The following USP6NL variants were observed in gnomAD, a reference collection of about 807,000 sequenced individuals.
USP6NL encodes the protein USP6 N-terminal-like protein.
Under a neutral mutation model 61.9 loss-of-function variants are expected in USP6NL, and 26 were observed. The ratio of observed to expected loss-of-function variants is 0.42; its 90% CI spans 0.31 to 0.58. USP6NL has a LOEUF of 0.58. USP6NL is among the 20% of genes least tolerant of loss of function. The pLI is 0.16. For synonymous variants in USP6NL, 432 were observed against 390.1 expected (o/e 1.11, Z -1.27); for missense variants, 1,114 against 1,034.3 (o/e 1.08, Z -1.06).
At chr10:11,601,752 A>C (rs1379195562) in intron 1 of USP6NL, among the ~76,000 whole-genome samples, 1 of 152,232 alleles carries the variant, frequency 6.6e-6, no homozygotes, top group Admixed American at 6.5e-5. Context: ...AGCCATTCCA[A>C]CACAAATTGC....
intron 7 of USP6NL, among the ~76,000 whole-genome samples, chr10:11,497,089 CCAT>C (rs1833960979): frequency 8.4e-6 from 1 of 119,174 alleles, no homozygotes; most frequent in African/African-American, 3.1e-5. Flanking sequence ...TTGTTCTCTT[CCAT>C]CTTTTTTTTT....
intron 7 of USP6NL, among the ~76,000 whole-genome samples, chr10:11,497,093 C>CTTTTT (rs11287847): frequency 3.1e-5 from 4 of 130,750 alleles, no homozygotes; most frequent in African/African-American, 1.1e-4. Context: ...TCTCTTCCAT[C>CTTTTT]TTTTTTTTTT....
At chr10:11,501,518 G>A (rs886701181) in intron 6 of USP6NL, among the ~76,000 whole-genome samples, 7 of 152,202 alleles carry the variant, frequency 4.6e-5, no homozygotes, top group South Asian at 2.1e-4. Flanking sequence ...TTTTAAAGGT[G>A]TGAACATCTG....
At chr10:11,610,967 A>C (rs1457802089) in intron 1 of USP6NL, among the ~76,000 whole-genome samples, 2 of 152,084 alleles carry the variant, frequency 1.3e-5, no homozygotes, top group Non-Finnish European at 2.9e-5. Flanking sequence ...GATTTCCAAG[A>C]CTTGCAGATC....
chr10:11,482,139 G>C lies in USP6NL; in HGVS notation c.926-217C>G, dbSNP rs770572127. 4.6e-5 allele frequency among the ~76,000 whole-genome samples: 7 copies of C among 152,132 alleles called. No individual in the cohort carries two copies. Among genetic ancestry groups the C allele is most frequent in the Non-Finnish European group, 8.8e-5 (6 of 68,014 alleles). On this transcript the variant is annotated intron_variant, in intron 13 of 14. Transcript: ENST00000609104. The surrounding 1 kb of genome is among the most constrained non-coding windows in gnomAD (Gnocchi z 4.0). Reference sequence around the variant, plus strand: ...AGAGAAAAGCAGGAAAGTTTACTGGGAGAAAGGATGGGAGGAGAATACTGC... The same window carrying C: ...AGAGAAAAGCAGGAAAGTTTACTGGCAGAAAGGATGGGAGGAGAATACTGC...
chr10:11,472,841 C>T (rs139762232), intron 14 of USP6NL, among the ~76,000 whole-genome samples: 174 of 152,154 alleles, frequency 1.1e-3, no homozygotes, highest in Middle Eastern at 6.8e-3. Context: ...GCAGATTAAA[C>T]TTGAAAGTTA....
intron 2 of USP6NL, among the ~76,000 whole-genome samples, chr10:11,582,668 T>C (rs1347755543): frequency 3.3e-5 from 5 of 152,304 alleles, no homozygotes; most frequent in African/African-American, 1.2e-4. Context: ...AGAATTAAGT[T>C]AGCAATTCTT....
Position 11,499,941 on chromosome 10 carries a change from C to T in USP6NL, c.384+1160G>A, listed in dbSNP as rs1389817565. Among the ~76,000 whole-genome samples, 1 of 152,138 alleles carries T rather than the reference C, an allele frequency of 6.6e-6. No individual in the cohort carries two copies. The highest frequency in any genetic ancestry group is 1.5e-5 in the Non-Finnish European group (1 of 68,024). On this transcript the variant is annotated intron_variant, in intron 7 of 14. Coordinates refer to ENST00000609104, the MANE Select transcript of USP6NL (RefSeq NM_014688.5). The surrounding 1 kb of genome is among the most constrained non-coding windows in gnomAD (Gnocchi z 4.5). ...AAACAAATACTAACAGAGCACCTAC[C>T]ATATGCTAGGCACACTGTACTAGGT...
At position 11,510,642 on chromosome 10, in the gene USP6NL, G is replaced by GT. The variant is rs1834668326; in HGVS notation, c.196-968dup. 6.7e-6 allele frequency among the ~76,000 whole-genome samples: 1 copy of GT among 150,058 alleles called. No homozygotes were observed. The highest frequency in any genetic ancestry group is 2.5e-5 in the African/African-American group (1 of 40,796). On this transcript the variant is annotated intron_variant, in intron 5 of 14. Transcript: ENST00000609104. This position sits in a 1 kb window ranked among gnomAD's most constrained non-coding sequence, Gnocchi z 4.8. ...TCCTAAGTACCTGGGCCCATGAGTA[G>GT]TAAGTATATGAATAAAAAGCAATGA...
rs545531586 is a variant in USP6NL, at chr10:11,602,972, T to C, written c.-83-5255A>G. 1.7e-4 allele frequency among the ~76,000 whole-genome samples: 26 copies of C among 152,344 alleles called. No individual in the cohort carries two copies. Among genetic ancestry groups the C allele is most frequent in the Middle Eastern group, 6.8e-3 (2 of 294 alleles). ...GCTCTTGCTGCAACCCCGTGAAACA[T>C]AACGTCACATTTCTACAGCTTTAAG... On this transcript the variant is annotated intron_variant, in intron 1 of 14. Coordinates refer to ENST00000609104, the MANE Select transcript of USP6NL (RefSeq NM_014688.5). This position sits in a 1 kb window ranked among gnomAD's most constrained non-coding sequence, Gnocchi z 4.8.
At chr10:11,501,684 A>AC (rs1355523673) in intron 6 of USP6NL, among the ~76,000 whole-genome samples, 1 of 152,040 alleles carries the variant, frequency 6.6e-6, no homozygotes, top group Non-Finnish European at 1.5e-5. Flanking sequence ...CTTTCCTGCC[A>AC]CCTTCTCACT....
At chr10:11,610,615 CCTCA>C (rs941507517) in intron 1 of USP6NL, among the ~76,000 whole-genome samples, 26 of 151,896 alleles carry the variant, frequency 1.7e-4, no homozygotes, top group Middle Eastern at 3.5e-3. Flanking sequence ...AAGACGGCGT[CCTCA>C]CTTTTTTTTT....
At position 11,532,247 on chromosome 10, in the gene USP6NL, A is replaced by G. The variant is rs1835691149; in HGVS notation, c.5-4680T>C. 5 of 1,589,048 alleles carry G rather than the reference A, an allele frequency of 3.1e-6. No individual in the cohort carries two copies. Among genetic ancestry groups the G allele is most frequent in the Non-Finnish European group, 4.3e-6 (5 of 1,167,750 alleles). On this transcript the variant is annotated intron_variant, in intron 2 of 14. Transcript: ENST00000609104. The surrounding 1 kb of genome is among the most constrained non-coding windows in gnomAD (Gnocchi z 4.1). ...TCAGTCCTCATAGAGTAACTTATCT[A>G]TTCCAAGATTTCATTATTATTTTAT...
chr10:11,571,643 C>A (rs1444477883), intron 2 of USP6NL, among the ~76,000 whole-genome samples: 1 of 151,142 alleles, frequency 6.6e-6, no homozygotes, highest in Non-Finnish European at 1.5e-5. Flanking sequence ...TTTTAAAGAA[C>A]TGAATTTTTT....
intron 2 of USP6NL, among the ~76,000 whole-genome samples, chr10:11,550,892 T>C (rs1836455557): frequency 2.0e-5 from 3 of 151,294 alleles, no homozygotes; most frequent in Admixed American, 6.6e-5. Context: ...CCCAAACCAC[T>C]AATAATTAGA....
In USP6NL at chr10:11,595,532, G is replaced by A. The variant is rs1377223988; in HGVS notation, c.4+2099C>T. Among the ~76,000 whole-genome samples the A allele has an allele frequency of 2.6e-5, 4 of 152,104 alleles. No homozygotes were observed. The highest frequency in any genetic ancestry group is 1.9e-4 in the East Asian group (1 of 5,194). ...TGACTGAATCTGTGATGTTCTCAAC[G>A]TCACCATGGGGCCAGGGCTCTGACC... On this transcript the variant is annotated intron_variant, in intron 2 of 14. Transcript: ENST00000609104. This position sits in a 1 kb window ranked among gnomAD's most constrained non-coding sequence, Gnocchi z 5.3.
intron 2 of USP6NL, among the ~76,000 whole-genome samples, chr10:11,566,118 G>T (rs961700798): frequency 2.6e-5 from 4 of 152,190 alleles, no homozygotes; most frequent in African/African-American, 9.7e-5. Context: ...GAGCTGGGAA[G>T]GGCAGGCTGG....
rs1043841016 is a variant in USP6NL, at chr10:11,540,362, C to A, written c.5-12795G>T. Among the ~76,000 whole-genome samples, 1 of 152,186 alleles carries A rather than the reference C, an allele frequency of 6.6e-6. No homozygotes were observed. The highest frequency in any genetic ancestry group is 2.4e-5 in the African/African-American group (1 of 41,444). On this transcript the variant is annotated intron_variant, in intron 2 of 14. Coordinates refer to ENST00000609104, the MANE Select transcript of USP6NL (RefSeq NM_014688.5). The surrounding 1 kb of genome is among the most constrained non-coding windows in gnomAD (Gnocchi z 5.0). ...TCTGGAAACATGTAAAAATTTGACA[C>A]AATAATCATCAAATGACACTGAACT...
chr10:11,584,305 A>C (rs1453339826), intron 2 of USP6NL, among the ~76,000 whole-genome samples: 1 of 152,244 alleles, frequency 6.6e-6, no homozygotes, highest in Non-Finnish European at 1.5e-5. Flanking sequence ...TCATAAGTGC[A>C]CATACACATA....
Sources: gnomAD v4.1 joint callset for allele counts (sites outside exome capture counted in the v4.1 genomes callset) on GRCh38, gnomAD v4.1.1 for gene constraint, Gnocchi (gnomAD v3.1) non-coding constraint, MANE v1.5 for transcripts, NCBI Gene and HGNC (gene_info 2026-07-23, HGNC 2026-07-21) for gene names.